Variants in GPHN observed in about 807,000 individuals in gnomAD.
GPHN encodes gephyrin.
Under a neutral mutation model 95.5 loss-of-function variants are expected in GPHN, and 17 were observed. The observed-to-expected ratio is 0.18, with a 90% confidence interval of 0.12 to 0.27. The LOEUF (loss-of-function observed/expected upper bound fraction) is 0.27. Among genes scored for constraint, GPHN ranks in the 10% least tolerant of loss-of-function variants. The pLI is 1.00. For synonymous variants in GPHN, 320 were observed against 322.5 expected (o/e 0.99, Z 0.08); for missense variants, 660 against 978.1 (o/e 0.67, Z 4.34).
At chr14:66,704,678 C>G (rs949082959) in intron 2 of GPHN, among the ~76,000 whole-genome samples, 5 of 152,074 alleles carry the variant, frequency 3.3e-5, no homozygotes, top group African/African-American at 1.2e-4. Flanking sequence ...GAGAGAGAAA[C>G]TTACGGCACT....
At chr14:67,460,727 G>T in the GPHN span, among the ~76,000 whole-genome samples, 1 of 151,966 alleles carries the variant, frequency 6.6e-6, no homozygotes, top group African/African-American at 2.4e-5. Flanking sequence ...AAACAAAAAG[G>T]CTCTTTACCC....
the GPHN span, chr14:67,690,496 C>T: frequency 8.3e-7 from 1 of 1,197,728 alleles, no homozygotes; most frequent in Non-Finnish European, 1.2e-6. Context: ...GCAGGCCTCA[C>T]CTATGGGAGG....
At chr14:66,701,358 G>T (rs375780785) in intron 2 of GPHN, among the ~76,000 whole-genome samples, 1 of 152,052 alleles carries the variant, frequency 6.6e-6, no homozygotes, top group Non-Finnish European at 1.5e-5. Flanking sequence ...CATAATAACT[G>T]TACATTTGGG....
chr14:67,502,338 AG>A, the GPHN span, among the ~76,000 whole-genome samples: 1 of 150,250 alleles, frequency 6.7e-6, no homozygotes, highest in Non-Finnish European at 1.5e-5. Context: ...CTCAAAAAAA[AG>A]AAAAGAAAGA....
chr14:67,288,495 T>TC, the GPHN span, among the ~76,000 whole-genome samples: 1 of 152,322 alleles, frequency 6.6e-6, no homozygotes, highest in Non-Finnish European at 1.5e-5. Context: ...AGTTATAGAC[T>TC]CCATCTTTAC....
chr14:66,607,802 C>G (rs2062608547), intron 1 of GPHN, among the ~76,000 whole-genome samples: 1 of 151,950 alleles, frequency 6.6e-6, no homozygotes, highest in African/African-American at 2.4e-5. Flanking sequence ...TCATAATAGT[C>G]TCTGAGGATG....
the GPHN span, among the ~76,000 whole-genome samples, chr14:67,409,718 G>A: frequency 1.1e-4 from 17 of 152,190 alleles, no homozygotes; most frequent in East Asian, 2.3e-3. Context: ...CTCTGGCTTC[G>A]CTTTCACCGG....
chr14:66,731,701 TGAG>T (rs1452276508), intron 2 of GPHN, among the ~76,000 whole-genome samples: 1 of 152,070 alleles, frequency 6.6e-6, no homozygotes, highest in Non-Finnish European at 1.5e-5. Context: ...TCATAAGTAA[TGAG>T]GAGTGGAATG....
At chr14:67,200,282 A>C in the GPHN span, 1 of 737,490 alleles carries the variant, frequency 1.4e-6, no homozygotes, top group African/African-American at 1.8e-5. Flanking sequence ...CTCCCCAGCC[A>C]CCAGTTGCCC....
chr14:67,372,137 T>A, the GPHN span, among the ~76,000 whole-genome samples: 1 of 152,026 alleles, frequency 6.6e-6, no homozygotes, highest in African/African-American at 2.4e-5. Context: ...AAAAAAAAAA[T>A]TAAAAAATTT....
intron 9 of GPHN, 49 bp downstream of exon 9, chr14:66,965,374 G>A (rs754519083): frequency 1.1e-5 from 17 of 1,540,700 alleles, no homozygotes; most frequent in Non-Finnish European, 1.4e-5. Flanking sequence ...ATAGTAATCT[G>A]GGAAAACTAA....
At chr14:66,760,961 G>A (rs1595815811) in intron 2 of GPHN, 2 of 672,566 alleles carry the variant, frequency 3.0e-6, no homozygotes, top group East Asian at 7.5e-5. Context: ...GGAAGCAGTT[G>A]GAAGAGAAAA....
At chr14:66,900,340 T>C (rs1358961612) in intron 5 of GPHN, among the ~76,000 whole-genome samples, 1 of 152,040 alleles carries the variant, frequency 6.6e-6, no homozygotes, top group African/African-American at 2.4e-5. Flanking sequence ...ATTTGAGACT[T>C]TTCTAATGTA....
At chr14:66,907,681 C>A (rs1298729154) in intron 5 of GPHN, among the ~76,000 whole-genome samples, 1 of 152,018 alleles carries the variant, frequency 6.6e-6, no homozygotes, top group African/African-American at 2.4e-5. Flanking sequence ...AAAGTACTGA[C>A]CTAAATAACT....
At chr14:66,740,983 G>C (rs530481977) in intron 2 of GPHN, among the ~76,000 whole-genome samples, 1 of 152,160 alleles carries the variant, frequency 6.6e-6, no homozygotes, top group South Asian at 2.1e-4. Context: ...CCTTCTTGTG[G>C]CATCTCATGG....
the GPHN span, among the ~76,000 whole-genome samples, chr14:67,710,183 G>C: frequency 6.6e-6 from 1 of 152,134 alleles, no homozygotes; most frequent in Non-Finnish European, 1.5e-5. Flanking sequence ...TGACCACTTT[G>C]GGTACATGTC....
At chr14:67,127,601 TC>T (rs2079409603) in intron 17 of GPHN, among the ~76,000 whole-genome samples, 1 of 152,162 alleles carries the variant, frequency 6.6e-6, no homozygotes. Flanking sequence ...TCTGACAAGC[TC>T]CAAAATTATA....
intron 9 of GPHN, among the ~76,000 whole-genome samples, chr14:66,979,695 T>C (rs184410673): frequency 6.6e-6 from 1 of 152,350 alleles, no homozygotes; most frequent in East Asian, 1.9e-4. Flanking sequence ...CCACTTTAAA[T>C]TTCCTTCCAG....
chr14:67,245,843 C>A, the GPHN span, among the ~76,000 whole-genome samples: 3 of 151,674 alleles, frequency 2.0e-5, no homozygotes, highest in African/African-American at 7.3e-5. Context: ...GCTCAATCCA[C>A]GGTCAGAGAG....
Sources: allele counts gnomAD v4.1 joint callset (sites outside exome capture counted in the v4.1 genomes callset), GRCh38; gene constraint gnomAD v4.1.1; transcripts MANE v1.5; gene names NCBI Gene and HGNC (gene_info 2026-07-23, HGNC 2026-07-21).